Variants in CPSF6 observed in about 807,000 individuals in gnomAD.
CPSF6 encodes cleavage and polyadenylation specificity factor subunit 6.
A neutral mutation model predicts 56.7 loss-of-function variants in CPSF6; 10 were observed. That is an observed-to-expected ratio of 0.18 (90% CI 0.11 to 0.30). The LOEUF (loss-of-function observed/expected upper bound fraction) is 0.30, where lower values mean the gene tolerates loss of function less well. Among genes scored for constraint, CPSF6 ranks in the 10% least tolerant of loss-of-function variants. The pLI is 1.00. For synonymous variants in CPSF6, 248 were observed against 244.8 expected (o/e 1.01, Z -0.12); for missense variants, 419 against 722.9 (o/e 0.58, Z 4.82).
chr12:69,266,206 G>A (rs1166278182), intron 9 of CPSF6, among the ~76,000 whole-genome samples: 1 of 152,096 alleles, frequency 6.6e-6, no homozygotes, highest in Admixed American at 6.5e-5. Context: ...GTTATCTGAG[G>A]TCTGCGTTAT....
At chr12:69,260,278 G>T in intron 8 of CPSF6, 81 bp downstream of exon 8, 1 of 1,124,816 alleles carries the variant, frequency 8.9e-7, no homozygotes, top group Admixed American at 3.2e-5. Flanking sequence ...TTTAAAAGGA[G>T]GACTTTGCTT....
At chr12:69,246,881 C>G (rs571420117) in intron 1 of CPSF6, among the ~76,000 whole-genome samples, 89 of 152,240 alleles carry the variant, frequency 5.8e-4, no homozygotes, top group African/African-American at 2.1e-3. Context: ...CCAGGCTGGT[C>G]TTAGACTCCT....
intron 6 of CPSF6, 130 bp downstream of exon 6, chr12:69,259,224 C>A: frequency 8.0e-7 from 1 of 1,247,578 alleles, no homozygotes; most frequent in Non-Finnish European, 1.1e-6. Context: ...AAGCTGCTAC[C>A]CTGTTTTAGC....
chr12:69,263,204 G>C (rs1048519327), intron 9 of CPSF6, among the ~76,000 whole-genome samples: 1 of 151,872 alleles, frequency 6.6e-6, no homozygotes, highest in Non-Finnish European at 1.5e-5. Flanking sequence ...ATTAAAATGG[G>C]TTTAGGGTGC....
Position 69,262,555 on chromosome 12 carries a change from G to A in CPSF6, c.1652G>A (p.Arg551His), listed in dbSNP as rs1872791257. 1.9e-6 allele frequency: 3 copies of A among 1,610,526 alleles called. No individual in the cohort carries two copies. The highest frequency in any genetic ancestry group is 2.5e-6 in the Non-Finnish European group (3 of 1,177,970). The change falls in exon 9 of 10, where the codon CGT (arginine) becomes CAT (histidine). Residue 551 changes from arginine (R) to histidine (H), a missense_variant. Physicochemically the swap from Arg to His is conservative, Grantham distance 29. Coordinates refer to ENST00000435070, the MANE Select transcript of CPSF6 (RefSeq NM_007007.3). The stretch of plus-strand genomic sequence containing the variant: ...GACCGAGAGCGCGAATATCGTCATC[G>A]TTAGAAGGTGGGTATTCCTTGTTCC... ...ERDREREYRH[R>H]
At chr12:69,249,004 T>A (rs1389750144) in intron 1 of CPSF6, among the ~76,000 whole-genome samples, 1 of 151,916 alleles carries the variant, frequency 6.6e-6, no homozygotes, top group Non-Finnish European at 1.5e-5. Flanking sequence ...CCCAGCACTT[T>A]GGGAGGCCGA....
chr12:69,256,018 G>T (rs1872493806), intron 3 of CPSF6, among the ~76,000 whole-genome samples: 2 of 152,264 alleles, frequency 1.3e-5, no homozygotes, highest in Admixed American at 1.3e-4. Context: ...TTTTAATGTT[G>T]TATATTTATA....
At chr12:69,243,236 C>T (rs966759611) in intron 1 of CPSF6, among the ~76,000 whole-genome samples, 9 of 152,278 alleles carry the variant, frequency 5.9e-5, no homozygotes, top group Non-Finnish European at 1.2e-4. Context: ...GTAGTGCACA[C>T]GTATCCACAG....
At chr12:69,267,432 TACA>T (rs1873045250) in intron 9 of CPSF6, among the ~76,000 whole-genome samples, 1 of 152,006 alleles carries the variant, frequency 6.6e-6, no homozygotes, top group African/African-American at 2.4e-5. Flanking sequence ...AACATCTGTT[TACA>T]TAGGCCTTTC....
chr12:69,247,826 AGT>A (rs1302052897), intron 1 of CPSF6, among the ~76,000 whole-genome samples: 1 of 152,200 alleles, frequency 6.6e-6, no homozygotes, highest in African/African-American at 2.4e-5. Flanking sequence ...ACTACAAAAG[AGT>A]GTGCTTTGAG....
At chr12:69,242,379 GTAT>G (rs1393799620) in intron 1 of CPSF6, among the ~76,000 whole-genome samples, 4 of 152,160 alleles carry the variant, frequency 2.6e-5, no homozygotes, top group African/African-American at 4.8e-5. Context: ...GTAAGGCACA[GTAT>G]TATTTCAAAA....
chr12:69,249,403 A>G (rs919651791), intron 1 of CPSF6, among the ~76,000 whole-genome samples: 4 of 134,466 alleles, frequency 3.0e-5, no homozygotes, highest in Non-Finnish European at 4.7e-5. Flanking sequence ...ACCATCATAT[A>G]ACAAATGCTT....
intron 1 of CPSF6, among the ~76,000 whole-genome samples, chr12:69,241,514 C>T (rs1030169161): frequency 3.3e-5 from 5 of 152,128 alleles, no homozygotes; most frequent in African/African-American, 1.2e-4. Context: ...AATTGGGTCT[C>T]AATTTTAGAA....
At position 69,259,087 on chromosome 12, in the gene CPSF6, C is replaced by T. The variant is rs1029617300; in HGVS notation, c.1192C>T (p.Pro398Ser). Residue 398 changes from proline (P) to serine (S), a missense_variant, in exon 6 of 10, where the codon CCT becomes TCT. Around this residue, in one of 4 missense-constraint regions of CPSF6, gnomAD observed 211 missense variants for 296.0 expected, o/e 0.71. Transcript: ENST00000435070. The stretch of plus-strand genomic sequence containing the variant: ...ATATGATAGGGGTGACTATGGCCCC[C>T]CTGGAAGGTAAGTTAGTGTGTATCT... ...PPYDRGDYGP[P>S]GREMDTARTP... 6.3e-7 allele frequency: 1 copy of T among 1,599,174 alleles called. No homozygotes were observed.
At chr12:69,243,602 A>T (rs1871737704) in intron 1 of CPSF6, among the ~76,000 whole-genome samples, 1 of 152,178 alleles carries the variant, frequency 6.6e-6, no homozygotes, top group African/African-American at 2.4e-5. Context: ...ATATCTAAAC[A>T]GAAAAGGTAA....
intron 8 of CPSF6, 136 bp from the exon 9 acceptor site, chr12:69,262,237 G>A (rs1872772080): frequency 9.6e-7 from 1 of 1,042,928 alleles, no homozygotes; most frequent in Admixed American, 3.1e-5. Flanking sequence ...AGTCGTTATT[G>A]GCAGCTCAGG....
chr12:69,267,727 A>G (rs1288246669), intron 9 of CPSF6, among the ~76,000 whole-genome samples: 2 of 151,896 alleles, frequency 1.3e-5, no homozygotes, highest in African/African-American at 2.4e-5. Flanking sequence ...AGAAATAAAA[A>G]CTGCTAGACT....
At chr12:69,256,515 A>G (rs1470218708) in intron 3 of CPSF6, among the ~76,000 whole-genome samples, 182 bp from the exon 4 acceptor site, 1 of 152,150 alleles carries the variant, frequency 6.6e-6, no homozygotes, top group Non-Finnish European at 1.5e-5. Context: ...TGTAGCCTCA[A>G]ACTCCTGGGC....
At chr12:69,256,500 G>T (rs978489574) in intron 3 of CPSF6, among the ~76,000 whole-genome samples, 197 bp from the exon 4 acceptor site, 2 of 152,040 alleles carry the variant, frequency 1.3e-5, no homozygotes, top group South Asian at 2.1e-4. Flanking sequence ...GTGATTATAG[G>T]TTACTGTAGC....
Sources: gnomAD v4.1 joint callset for allele counts (sites outside exome capture counted in the v4.1 genomes callset) on GRCh38, gnomAD v4.1.1 for gene constraint, gnomAD v4.1.1 regional missense constraint, MANE v1.5 for transcripts, NCBI Gene and HGNC (gene_info 2026-07-23, HGNC 2026-07-21) for gene names.